PCSK2: variants seen among roughly 807,000 people sequenced by gnomAD.
PCSK2 encodes proprotein convertase subtilisin/kexin type 2.
PCSK2 carries 14 observed loss-of-function variants against 69.7 expected under a neutral mutation model. The ratio of observed to expected loss-of-function variants is 0.20; its 90% CI spans 0.13 to 0.31. The LOEUF is 0.31. Among genes scored for constraint, PCSK2 ranks in the 10% least tolerant of loss-of-function variants. The probability of loss-of-function intolerance (pLI) is 1.00; values close to 1 mark genes in which losing one functional copy is unlikely to be tolerated. For missense variants in PCSK2, 544 were observed against 842.5 expected, an observed-to-expected ratio of 0.65 and a Z score of 4.39; for synonymous variants, 307 against 320.7, an observed-to-expected ratio of 0.96 and a Z score of 0.46.
intron 5 of PCSK2, among the ~76,000 whole-genome samples, chr20:17,408,164 C>G (rs1365639029): frequency 6.6e-6 from 1 of 152,040 alleles, no homozygotes; most frequent in Non-Finnish European, 1.5e-5. Context: ...CCAGTGTTTC[C>G]TGGCCCAGTG....
At chr20:17,446,055 G>A (rs529585158) in intron 8 of PCSK2, among the ~76,000 whole-genome samples, 3 of 152,308 alleles carry the variant, frequency 2.0e-5, no homozygotes, top group South Asian at 4.1e-4. Context: ...TATTAGTAGC[G>A]TTGGCCCACC....
intron 2 of PCSK2, among the ~76,000 whole-genome samples, chr20:17,348,091 GAAAGAAAGAAAGA>G (rs1568612775): frequency 3.3e-5 from 4 of 122,778 alleles, no homozygotes; most frequent in African/African-American, 8.4e-5. Flanking sequence ...AAGAAAGAAA[GAAAGAAAGAAAGA>G]AAAGAAAAGA....
intron 8 of PCSK2, among the ~76,000 whole-genome samples, chr20:17,449,937 T>G (rs2032786463): frequency 6.6e-6 from 1 of 151,132 alleles, no homozygotes; most frequent in African/African-American, 2.4e-5. Context: ...CGTCCCTCCT[T>G]CCATAGAGTT....
Position 17,379,738 on chromosome 20 carries a change from A to G in PCSK2, c.543+10461A>G, listed in dbSNP as rs118082835. ...TCTTACAATTAGGTTATTAGATTGC[A>G]TTATATGGCAGAGTTAGAGATTTTT... On this transcript the variant is annotated intron_variant, in intron 5 of 11. Transcript: ENST00000262545. Among the ~76,000 whole-genome samples, 678 of 152,350 alleles carry G rather than the reference A, an allele frequency of 4.5e-3. 17 individuals carry two copies. Among genetic ancestry groups the G allele is most frequent in the East Asian group, 0.031 (163 of 5,188 alleles).
chr20:17,406,134 T>C (rs1463946648), intron 5 of PCSK2, among the ~76,000 whole-genome samples: 2 of 152,208 alleles, frequency 1.3e-5, no homozygotes, highest in African/African-American at 4.8e-5. Flanking sequence ...CAAATGTCCA[T>C]GTTAATGGCA....
chr20:17,277,412 C>T (rs1988125365), intron 2 of PCSK2, among the ~76,000 whole-genome samples: 1 of 152,128 alleles, frequency 6.6e-6, no homozygotes, highest in African/African-American at 2.4e-5. Flanking sequence ...AGAAATAATG[C>T]CGCATGTCTA....
intron 2 of PCSK2, among the ~76,000 whole-genome samples, chr20:17,264,878 T>C (rs1188334596): frequency 4.9e-5 from 7 of 141,868 alleles, no homozygotes; most frequent in Non-Finnish European, 7.8e-5. Context: ...CTTTTTTTTT[T>C]CCTGAGATAG....
At chr20:17,315,128 C>T (rs1168106168) in intron 2 of PCSK2, among the ~76,000 whole-genome samples, 1 of 152,050 alleles carries the variant, frequency 6.6e-6, no homozygotes, top group Non-Finnish European at 1.5e-5. Flanking sequence ...CACCGAGGAA[C>T]CAGGGCCTGG....
At chr20:17,354,570 C>T (rs16998985) in intron 2 of PCSK2, among the ~76,000 whole-genome samples, 1,914 of 152,208 alleles carry the variant, frequency 0.013, 14 homozygotes, top group East Asian at 0.035. Flanking sequence ...GTTTATAACC[C>T]AATCTGTCCG....
intron 2 of PCSK2, among the ~76,000 whole-genome samples, chr20:17,348,140 A>G (rs1027267798): frequency 1.3e-5 from 2 of 152,192 alleles, no homozygotes; most frequent in Non-Finnish European, 2.9e-5. Flanking sequence ...GAAAGAAAGA[A>G]AGTCTAACAA....
rs141265465 is a variant in PCSK2, at chr20:17,474,691, C to T, written c.1431-6893C>T. ...AAGATTCACACAGACAGGAACACAC[C>T]GGCCCTTGTTGTTCTGCCAGTGAGG... is the stretch of plus-strand genomic sequence containing the variant. On this transcript the variant is annotated intron_variant, in intron 11 of 11. Transcript: ENST00000262545. Among the ~76,000 whole-genome samples, 940 of 152,246 alleles carry T rather than the reference C, an allele frequency of 6.2e-3. 19 individuals are homozygous for T. Among genetic ancestry groups the T allele is most frequent in the African/African-American group, 0.022 (900 of 41,530 alleles).
At chr20:17,460,244 GGAGA>G (rs1173298156) in intron 10 of PCSK2, among the ~76,000 whole-genome samples, 2 of 151,186 alleles carry the variant, frequency 1.3e-5, no homozygotes, top group Non-Finnish European at 2.9e-5. Context: ...AGAGAGAGAA[GGAGA>G]GAGAGAAAGA....
intron 6 of PCSK2, among the ~76,000 whole-genome samples, chr20:17,424,530 T>A (rs2032202867): frequency 6.6e-6 from 1 of 152,190 alleles, no homozygotes; most frequent in Non-Finnish European, 1.5e-5. Context: ...TCTCACTCTG[T>A]CGCCCAGGCT....
intron 2 of PCSK2, among the ~76,000 whole-genome samples, chr20:17,344,959 A>G (rs1990610808): frequency 6.6e-6 from 1 of 152,210 alleles, no homozygotes; most frequent in East Asian, 1.9e-4. Context: ...TCCTCGAACA[A>G]TCTCAACCAG....
chr20:17,378,006 C>T (rs1198760558), intron 5 of PCSK2, among the ~76,000 whole-genome samples: 1 of 152,162 alleles, frequency 6.6e-6, no homozygotes, highest in African/African-American at 2.4e-5. Flanking sequence ...TTCAAGAAAG[C>T]CGTATTGTTC....
At chr20:17,299,714 G>A (rs138281576) in intron 2 of PCSK2, among the ~76,000 whole-genome samples, 133 of 151,026 alleles carry the variant, frequency 8.8e-4, no homozygotes, top group African/African-American at 3.0e-3. Flanking sequence ...CTTTTCCTTC[G>A]CTAATCCAAT....
intron 11 of PCSK2, among the ~76,000 whole-genome samples, chr20:17,473,105 T>TTTG (rs1184484506): frequency 6.9e-6 from 1 of 144,172 alleles, no homozygotes; most frequent in Non-Finnish European, 1.5e-5. Context: ...TTTTTTTTTT[T>TTTG]TTTTTTGAGA....
intron 2 of PCSK2, among the ~76,000 whole-genome samples, chr20:17,267,422 A>G (rs1460726276): frequency 6.6e-6 from 1 of 152,206 alleles, no homozygotes; most frequent in Non-Finnish European, 1.5e-5. Flanking sequence ...ATCTTCATGG[A>G]TGCCCCAACC....
chr20:17,279,109 G>A (rs1988208215), intron 2 of PCSK2, among the ~76,000 whole-genome samples: 1 of 152,120 alleles, frequency 6.6e-6, no homozygotes, highest in Non-Finnish European at 1.5e-5. Flanking sequence ...GCTGGATAGT[G>A]TTGGATTCCT....
Sources: allele counts gnomAD v4.1 joint callset (sites outside exome capture counted in the v4.1 genomes callset), GRCh38; gene constraint gnomAD v4.1.1; transcripts MANE v1.5; gene names NCBI Gene and HGNC (gene_info 2026-07-23, HGNC 2026-07-21).